The following APBB1IP variants were observed in gnomAD, a reference collection of about 807,000 sequenced individuals.
APBB1IP encodes amyloid beta A4 precursor protein-binding family B member 1-interacting protein.
APBB1IP carries 27 observed loss-of-function variants against 64.9 expected under a neutral mutation model. The observed-to-expected ratio is 0.42, with a 90% confidence interval of 0.31 to 0.57. The LOEUF is 0.57. Among genes scored for constraint, APBB1IP ranks in the 20% least tolerant of loss-of-function variants. The pLI is 0.20. For synonymous variants in APBB1IP, 392 were observed against 331.0 expected (o/e 1.18, Z -2.00); for missense variants, 812 against 845.5 (o/e 0.96, Z 0.49).
At chr10:26,488,547 A>C (rs1396680688) in intron 2 of APBB1IP, among the ~76,000 whole-genome samples, 1 of 152,098 alleles carries the variant, frequency 6.6e-6, no homozygotes, top group African/African-American at 2.4e-5. Flanking sequence ...AGGAAATTTA[A>C]AGAAAGGAGG....
chr10:26,541,007 C>T (rs1439677032), intron 10 of APBB1IP, among the ~76,000 whole-genome samples: 1 of 150,608 alleles, frequency 6.6e-6, no homozygotes, highest in African/African-American at 2.4e-5. Flanking sequence ...AATGAAATTT[C>T]TGGCTAAGCG....
intron 2 of APBB1IP, among the ~76,000 whole-genome samples, chr10:26,482,047 G>T (rs1448563851): frequency 6.6e-6 from 1 of 152,076 alleles, no homozygotes; most frequent in Non-Finnish European, 1.5e-5. Flanking sequence ...CCTTCTGTGT[G>T]ACCCTACCTA....
chr10:26,567,773 C>A lies in APBB1IP; in HGVS notation c.*285C>A. The A allele has an allele frequency of 4.1e-6, 2 of 482,418 alleles. No homozygotes were observed. Among genetic ancestry groups the A allele is most frequent in the Non-Finnish European group, 6.1e-6 (2 of 327,900 alleles). The allele number at this position is 482,418 out of a possible 1,614,324, so 29.9% of individuals were successfully genotyped here. ...TCATTTATTTTATTATGTTCAGAAG[C>A]ATCAAATAAAAGTTAAACGTTTTTC... On this transcript the variant is annotated 3_prime_UTR_variant, in exon 15 of 15. Coordinates refer to ENST00000376236, the MANE Select transcript of APBB1IP (RefSeq NM_019043.4).
chr10:26,539,692 G>A (rs945282171), intron 10 of APBB1IP, among the ~76,000 whole-genome samples: 2 of 152,056 alleles, frequency 1.3e-5, no homozygotes, highest in Non-Finnish European at 1.5e-5. Flanking sequence ...ACTACAGTGA[G>A]AGAGTACATT....
chr10:26,451,199 T>C (rs1341961771), intron 2 of APBB1IP, among the ~76,000 whole-genome samples: 2 of 152,312 alleles, frequency 1.3e-5, no homozygotes, highest in East Asian at 1.9e-4. Flanking sequence ...TAAGGTGACA[T>C]GGAAGACATT....
chr10:26,444,198 A>G (rs1245697809), intron 2 of APBB1IP, among the ~76,000 whole-genome samples: 1 of 152,168 alleles, frequency 6.6e-6, no homozygotes, highest in Non-Finnish European at 1.5e-5. Flanking sequence ...AGAAGCAACA[A>G]GAAGGCCCCT....
chr10:26,517,225 T>C (rs993902125), intron 8 of APBB1IP, among the ~76,000 whole-genome samples: 3 of 152,174 alleles, frequency 2.0e-5, no homozygotes, highest in Admixed American at 2.0e-4. Context: ...CTAGTGCACA[T>C]ATCATAATGG....
chr10:26,491,126 A>G (rs1835949982), intron 2 of APBB1IP, among the ~76,000 whole-genome samples: 1 of 152,108 alleles, frequency 6.6e-6, no homozygotes, highest in African/African-American at 2.4e-5. Context: ...TAAAAATACA[A>G]AAATTAGCCG....
intron 9 of APBB1IP, among the ~76,000 whole-genome samples, chr10:26,534,917 C>G (rs1424056371): frequency 6.6e-6 from 1 of 152,150 alleles, no homozygotes; most frequent in East Asian, 1.9e-4. Flanking sequence ...ATGACTAATA[C>G]TAGCCAAATT....
chr10:26,558,652 T>C (rs1031534090), intron 11 of APBB1IP, among the ~76,000 whole-genome samples: 17 of 149,958 alleles, frequency 1.1e-4, no homozygotes, highest in African/African-American at 3.7e-4. Flanking sequence ...GGATGCATGT[T>C]TGTGGTCCCA....
chr10:26,492,050 G>T, intron 2 of APBB1IP, among the ~76,000 whole-genome samples: 1 of 152,058 alleles, frequency 6.6e-6, no homozygotes, highest in East Asian at 1.9e-4. Flanking sequence ...GCGTGATCCA[G>T]CCTGTTTCTT....
chr10:26,480,923 A>G (rs1206937590), intron 2 of APBB1IP, among the ~76,000 whole-genome samples: 1 of 152,164 alleles, frequency 6.6e-6, no homozygotes, highest in Non-Finnish European at 1.5e-5. Context: ...CATGATTTTT[A>G]TTTATTAATA....
intron 10 of APBB1IP, among the ~76,000 whole-genome samples, chr10:26,537,933 C>CAA (rs11331595): frequency 2.8e-5 from 3 of 106,926 alleles, no homozygotes; most frequent in African/African-American, 7.0e-5. Context: ...GACTAGGTCT[C>CAA]AAAAAAAAAA....
In APBB1IP at chr10:26,501,027, A is replaced by G. The variant is rs376040511; in HGVS notation, c.369A>G (p.Gln123=). ...GTNVAATGIS[Q]YEDDLPPPPA... is the part of the protein sequence containing the mutation. ...ATGTTGCTGCCACTGGTATCAGCCA[A>G]TATGAGGATGACTTACCACCTCCAC... Residue 123 remains glutamine, a synonymous_variant, in exon 5 of 15, where the codon CAA becomes CAG. Coordinates refer to ENST00000376236, the MANE Select transcript of APBB1IP (RefSeq NM_019043.4). 3 of 1,614,184 alleles carry G rather than the reference A, an allele frequency of 1.9e-6. No homozygotes were observed. Among genetic ancestry groups the G allele is most frequent in the Admixed American group, 1.7e-5 (1 of 60,016 alleles).
intron 8 of APBB1IP, among the ~76,000 whole-genome samples, chr10:26,532,278 T>C (rs932874): frequency 0.18 from 27,920 of 152,120 alleles, 2,660 homozygotes; most frequent in East Asian, 0.26. Context: ...CAGTGGTCAC[T>C]CATTATATTC....
rs570035565 is a variant in APBB1IP, at chr10:26,450,457, G to A, written c.-1+11604G>A. Among the ~76,000 whole-genome samples the A allele has an allele frequency of 1.9e-4, 29 of 152,232 alleles. No homozygotes were observed. The South Asian group carries it at 5.8e-3, about 30-fold the overall frequency. On this transcript the variant is annotated intron_variant, in intron 2 of 14. Coordinates refer to ENST00000376236, the MANE Select transcript of APBB1IP (RefSeq NM_019043.4). Reference sequence around the variant, plus strand: ...CTTTGTTATCCACATGCCTCTAAGGGCATGAAACATTGTAGATTAAACACA... The same window carrying A: ...CTTTGTTATCCACATGCCTCTAAGGACATGAAACATTGTAGATTAAACACA...
In APBB1IP at chr10:26,497,721, A is replaced by ATT. The variant is rs895511347; in HGVS notation, c.160+1352_160+1353dup. Among the ~76,000 whole-genome samples the ATT allele has an allele frequency of 5.7e-3, 570 of 100,300 alleles. 12 individuals are homozygous for ATT. Among genetic ancestry groups the ATT allele is most frequent in the Middle Eastern group, 0.019 (3 of 154 alleles). 65.8% of individuals were successfully genotyped at this position (100,300 alleles called of 152,430 possible). A position where few individuals can be genotyped will look rare whatever the true frequency, so the allele number is the denominator to read the frequency against. The stretch of plus-strand genomic sequence containing the variant: ...TCCAAGTTTTATTTCTGTCCTCTGG[A>ATT]TTTTTTTTTTTTTTTTTTTTTTTCA... On this transcript the variant is annotated intron_variant, in intron 4 of 14. Transcript: ENST00000376236.
intron 8 of APBB1IP, among the ~76,000 whole-genome samples, chr10:26,525,852 G>A (rs1472764722): frequency 1.3e-5 from 2 of 152,162 alleles, no homozygotes; most frequent in African/African-American, 2.4e-5. Flanking sequence ...ATGATCTAAT[G>A]GAAATAAACT....
At chr10:26,447,761 C>A (rs973652641) in intron 2 of APBB1IP, among the ~76,000 whole-genome samples, 2 of 152,116 alleles carry the variant, frequency 1.3e-5, no homozygotes, top group Non-Finnish European at 2.9e-5. Flanking sequence ...CACTCTGTCA[C>A]CCAAGCAAGA....
Sources: allele counts gnomAD v4.1 joint callset (sites outside exome capture counted in the v4.1 genomes callset), GRCh38; gene constraint gnomAD v4.1.1; transcripts MANE v1.5; gene names NCBI Gene and HGNC (gene_info 2026-07-23, HGNC 2026-07-21).